Variants in HYPK observed in about 807,000 individuals in gnomAD.
HYPK encodes the protein huntingtin interacting protein K, also known as huntingtin-interacting protein K.
A neutral mutation model predicts 13.9 loss-of-function variants in HYPK; 9 were observed. That is an observed-to-expected ratio of 0.65 (90% confidence interval 0.39 to 1.13). HYPK has a LOEUF of 1.13. Among genes scored for constraint, HYPK ranks in the 50% most tolerant of loss-of-function variants. The probability of loss-of-function intolerance (pLI) is 0.01; values close to 1 mark genes in which losing one functional copy is unlikely to be tolerated. For synonymous variants in HYPK, 76 were observed against 57.0 expected (o/e 1.33, Z -1.50); for missense variants, 138 against 157.6 (o/e 0.88, Z 0.67).
rs746763800 is a variant in HYPK at position 43,801,835 on chromosome 15, A to G, written c.*29A>G. 5.6e-6 allele frequency: 9 copies of G among 1,595,750 alleles called. No individual in the cohort carries two copies. In the South Asian group the frequency reaches 9.9e-5, roughly 18 times the overall value. ...GTGCTTTCTCAAATATACCTACTGGATTAATTTATGGCAATAAAATTTTTT... is the reference window on the plus strand; with the variant it reads ...GTGCTTTCTCAAATATACCTACTGGGTTAATTTATGGCAATAAAATTTTTT... On this transcript the variant is annotated 3_prime_UTR_variant, in exon 4 of 4. Transcript: ENST00000442995.
chr15:43,800,862 C>A, intron 1 of HYPK, 78 bp downstream of exon 1: 1 of 1,361,132 alleles, frequency 7.3e-7, no homozygotes, highest in African/African-American at 1.4e-5. Context: ...AGCCAGCGCT[C>A]CAAGACGGGG....
rs2087344027 is a variant in HYPK, at chr15:43,803,909, C to T, written c.*2103C>T. Among the ~76,000 whole-genome samples the T allele has an allele frequency of 1.3e-5, 2 of 151,862 alleles. No individual in the cohort carries two copies. The highest frequency in any genetic ancestry group is 6.6e-5 in the Admixed American group (1 of 15,242). On this transcript the variant is annotated 3_prime_UTR_variant, in exon 4 of 4. Transcript: ENST00000442995. ...TGGCTCAACGCCTGTAATCTCAGCA[C>T]TTTGGGAGGCTGAGGCGGGCGGATC...
In HYPK at chr15:43,802,338, AG is replaced by A. The variant is rs1317402683; in HGVS notation, c.*534del. On this transcript the variant is annotated 3_prime_UTR_variant, in exon 4 of 4. Coordinates refer to ENST00000442995, the MANE Select transcript of HYPK (RefSeq NM_016400.4). ...TCCCAGCACTTTGGGAGGTCGAGGCAGGTAGATCACGAGGTCAGGAATTCAA... is the reference window on the plus strand; with the variant it reads ...TCCCAGCACTTTGGGAGGTCGAGGCAGTAGATCACGAGGTCAGGAATTCAA... 2 of 152,692 alleles carry A rather than the reference AG, an allele frequency of 1.3e-5. No individual in the cohort carries two copies. Among genetic ancestry groups the A allele is most frequent in the Non-Finnish European group, 2.9e-5 (2 of 68,456 alleles). The allele number at this position is 152,692 out of a possible 1,614,324, so 9.5% of individuals were successfully genotyped here. A position where few individuals can be genotyped will look rare whatever the true frequency, so the allele number is the denominator to read the frequency against.
Position 43,801,782 on chromosome 15 carries a change from G to A in HYPK, c.342G>A (p.Glu114=). The change falls in exon 4 of 4, where the codon GAG becomes GAA. Residue 114 remains glutamate (E), a synonymous_variant. Transcript: ENST00000442995. ...SLREHMGNVV[E]ALIALTN is the part of the protein sequence containing the mutation. Reference sequence around the variant, plus strand: ...GGGAACACATGGGCAACGTGGTAGAGGCGCTTATTGCCCTAACCAACTGAT... The same window carrying A: ...GGGAACACATGGGCAACGTGGTAGAAGCGCTTATTGCCCTAACCAACTGAT... The A allele has an allele frequency of 1.9e-6, 3 of 1,614,210 alleles. No individual in the cohort carries two copies. The highest frequency in any genetic ancestry group is 1.1e-5 in the South Asian group (1 of 91,080).
In HYPK at chr15:43,800,804, T is replaced by C. The variant is rs554061997; in HGVS notation, c.162+20T>C. On this transcript the variant is annotated intron_variant, in intron 1 of 3. Coordinates refer to ENST00000442995, the MANE Select transcript of HYPK (RefSeq NM_016400.4). The stretch of plus-strand genomic sequence containing the variant: ...GAGACGGTAAGGTTGGCCAAGAGCA[T>C]GTCGGGGCGGGCTGAGAGCAGAGGG... 1 of 1,591,680 alleles carries C rather than the reference T, an allele frequency of 6.3e-7. No individual in the cohort carries two copies. The highest frequency in any genetic ancestry group is 8.6e-7 in the Non-Finnish European group (1 of 1,166,884).
In HYPK at chr15:43,801,951, A is replaced by T. The variant is rs1249086870; in HGVS notation, c.*145A>T. ...AATTTATATGTTGGAGACTAACTGA[A>T]TTTAAGTGACCCATTAAAATCTAGC... On this transcript the variant is annotated 3_prime_UTR_variant, in exon 4 of 4. Coordinates refer to ENST00000442995, the MANE Select transcript of HYPK (RefSeq NM_016400.4). 2 of 661,102 alleles carry T rather than the reference A, an allele frequency of 3.0e-6. No individual in the cohort carries two copies. Among genetic ancestry groups the T allele is most frequent in the African/African-American group, 3.6e-5 (2 of 54,876 alleles). 41.0% of individuals were successfully genotyped at this position (661,102 alleles called of 1,614,324 possible).
At chr15:43,801,355 C>T (rs1229616053) in intron 2 of HYPK, 163 bp from the exon 3 acceptor site, 7 of 829,450 alleles carry the variant, frequency 8.4e-6, no homozygotes, top group Non-Finnish European at 3.9e-6. Context: ...CCTGGCAACA[C>T]CTGCTGCCAA....
Position 43,800,793 on chromosome 15 carries a change from G to T in HYPK, c.162+9G>T. 6.2e-7 allele frequency: 1 copy of T among 1,601,540 alleles called. No homozygotes were observed. The highest frequency in any genetic ancestry group is 1.1e-5 in the South Asian group (1 of 90,174). On this transcript the variant is annotated intron_variant, in intron 1 of 3. Coordinates refer to ENST00000442995, the MANE Select transcript of HYPK (RefSeq NM_016400.4). ...GTTCCAATCTGGAGACGGTAAGGTT[G>T]GCCAAGAGCATGTCGGGGCGGGCTG...
At position 43,803,842 on chromosome 15, in the gene HYPK, T is replaced by C. The variant is rs953318262; in HGVS notation, c.*2036T>C. On this transcript the variant is annotated 3_prime_UTR_variant, in exon 4 of 4. Coordinates refer to ENST00000442995, the MANE Select transcript of HYPK (RefSeq NM_016400.4). ...GACCAACTCACACATGTTGAACTAG[T>C]TTCCTCAACTATAAAACTGTGACGG... is the stretch of plus-strand genomic sequence containing the variant. Among the ~76,000 whole-genome samples, 1 of 150,920 alleles carries C rather than the reference T, an allele frequency of 6.6e-6. No homozygotes were observed. The highest frequency in any genetic ancestry group is 1.5e-5 in the Non-Finnish European group (1 of 67,876).
chr15:43,800,452 C>A (rs780649149), upstream of HYPK: 3 of 896,230 alleles, frequency 3.3e-6, no homozygotes, highest in Non-Finnish European at 5.4e-6. Flanking sequence ...ACTGTACAAA[C>A]CCGAAAGGAA....
chr15:43,801,289 T>C, intron 2 of HYPK, 102 bp downstream of exon 2: 1 of 1,100,768 alleles, frequency 9.1e-7, no homozygotes, highest in Non-Finnish European at 1.4e-6. Flanking sequence ...TTCAAATTTA[T>C]CACCAATTCC....
chr15:43,800,924 C>T (rs2087305719), intron 1 of HYPK, 140 bp downstream of exon 1: 3 of 962,336 alleles, frequency 3.1e-6, no homozygotes, highest in Admixed American at 2.6e-5. Context: ...AGGGAAACAG[C>T]GGTCACCGGA....
In HYPK at chr15:43,803,191, C is replaced by T. The variant is rs1218252449; in HGVS notation, c.*1385C>T. On this transcript the variant is annotated 3_prime_UTR_variant, in exon 4 of 4. Transcript: ENST00000442995. ...ACTGTGTCAGGTCAGGATTTCCAGA[C>T]CAGCCTGGGCAACATAGCATGACCT... The T allele has an allele frequency of 6.7e-6, 1 of 150,334 alleles. No individual in the cohort carries two copies. Among genetic ancestry groups the T allele is most frequent in the Non-Finnish European group, 1.5e-5 (1 of 67,768 alleles). 9.3% of individuals were successfully genotyped at this position (150,334 alleles called of 1,614,324 possible).
intron 1 of HYPK, 90 bp downstream of exon 1, chr15:43,800,874 T>C (rs2087304515): frequency 3.1e-6 from 4 of 1,275,622 alleles, no homozygotes; most frequent in Non-Finnish European, 3.2e-6. Flanking sequence ...AAGACGGGGT[T>C]CTGATCCCGT....
rs1240816827 is a variant in HYPK at position 43,804,214 on chromosome 15, A to T, written c.*2408A>T. On this transcript the variant is annotated 3_prime_UTR_variant, in exon 4 of 4. Transcript: ENST00000442995. ...GCCTTACCCTCATTCTGACTCTAGG[A>T]TAATTCTTAGATTGTATCCCACACA... 1.3e-5 allele frequency among the ~76,000 whole-genome samples: 2 copies of T among 152,190 alleles called. No homozygotes were observed. Among genetic ancestry groups the T allele is most frequent in the Non-Finnish European group, 2.9e-5 (2 of 68,038 alleles).
At chr15:43,801,391 G>C in intron 2 of HYPK, 127 bp from the exon 3 acceptor site, 1 of 909,416 alleles carries the variant, frequency 1.1e-6, no homozygotes, top group Non-Finnish European at 1.7e-6. Flanking sequence ...GAGTATTAGT[G>C]GGAGTTTTTA....
Position 43,802,986 on chromosome 15 carries a change from T to C in HYPK, c.*1180T>C, listed in dbSNP as rs996647701. 1.3e-5 allele frequency: 2 copies of C among 151,970 alleles called. No individual in the cohort carries two copies. The highest frequency in any genetic ancestry group is 2.9e-5 in the Non-Finnish European group (2 of 68,060). 9.4% of individuals were successfully genotyped at this position (151,970 alleles called of 1,614,324 possible). A position where few individuals can be genotyped will look rare whatever the true frequency, so the allele number is the denominator to read the frequency against. On this transcript the variant is annotated 3_prime_UTR_variant, in exon 4 of 4. Transcript: ENST00000442995. ...AGACGATCACTTGAGCCCAGCAGTT[T>C]GAGACCAGCTTGGGCAACACAGTGA...
upstream of HYPK, chr15:43,800,513 A>G (rs569826011): frequency 9.7e-5 from 136 of 1,399,164 alleles, no homozygotes; most frequent in Middle Eastern, 7.0e-4. Context: ...ACTGGAGCAG[A>G]AAGAAGGTGT....
rs34069133 is a variant in HYPK, at chr15:43,802,569, C to CAA, written c.*784_*785dup. 6.9e-3 allele frequency: 198 copies of CAA among 28,496 alleles called. 3 individuals carry two copies. Among genetic ancestry groups the CAA allele is most frequent in the Middle Eastern group, 0.026 (1 of 38 alleles). The allele number at this position is 28,496 out of a possible 1,614,324, so 1.8% of individuals were successfully genotyped here. A position where few individuals can be genotyped will look rare whatever the true frequency, so the allele number is the denominator to read the frequency against. ...TGGGGGAAAGAGTGAAACTCCATCT[C>CAA]AAAAAAAAAAAAAAAAAAAAAAGCC... On this transcript the variant is annotated 3_prime_UTR_variant, in exon 4 of 4. Transcript: ENST00000442995.
Sources: allele counts gnomAD v4.1 joint callset (sites outside exome capture counted in the v4.1 genomes callset), GRCh38; gene constraint gnomAD v4.1.1; transcripts MANE v1.5; gene names NCBI Gene and HGNC (gene_info 2026-07-23, HGNC 2026-07-21).